The following EGFR variants were observed in gnomAD, a reference collection of about 807,000 sequenced individuals.
EGFR encodes epidermal growth factor receptor.
A neutral mutation model predicts 143.0 loss-of-function variants in EGFR; 58 were observed. The ratio of observed to expected loss-of-function variants is 0.41; its 90% CI spans 0.33 to 0.50. EGFR has a LOEUF of 0.50. EGFR is among the 20% of genes least tolerant of loss of function. The probability of loss-of-function intolerance (pLI) is 0.39; values close to 1 mark genes in which losing one functional copy is unlikely to be tolerated. For synonymous variants in EGFR, 613 were observed against 594.4 expected (o/e 1.03, Z -0.45); for missense variants, 1,307 against 1,579.0 (o/e 0.83, Z 2.92).
chr7:55,088,800 G>A (rs1584008285), intron 1 of EGFR, among the ~76,000 whole-genome samples: 1 of 152,144 alleles, frequency 6.6e-6, no homozygotes, highest in African/African-American at 2.4e-5. Flanking sequence ...TCCCTTTGAC[G>A]ATGAAAACAT....
At chr7:55,166,371 T>A in intron 15 of EGFR, 1 of 551,930 alleles carries the variant, frequency 1.8e-6, no homozygotes, top group Non-Finnish European at 3.5e-6. Flanking sequence ...TTTCTCTGAA[T>A]CCATCTGTAT....
intron 1 of EGFR, among the ~76,000 whole-genome samples, chr7:55,062,111 T>G (rs553871873): frequency 1.3e-5 from 2 of 152,236 alleles, no homozygotes; most frequent in South Asian, 4.1e-4. Context: ...GAGTAAGAAG[T>G]CTATCTTTAG....
intron 1 of EGFR, among the ~76,000 whole-genome samples, chr7:55,141,205 T>C (rs567403284): frequency 2.0e-5 from 3 of 152,240 alleles, no homozygotes; most frequent in South Asian, 4.2e-4. Context: ...ATAATTTGGG[T>C]TCAAATTATA....
At chr7:55,118,263 C>A (rs1035466084) in intron 1 of EGFR, among the ~76,000 whole-genome samples, 1 of 152,180 alleles carries the variant, frequency 6.6e-6, no homozygotes, top group Non-Finnish European at 1.5e-5. Context: ...CGGGCACAAC[C>A]ATCACCTGAG....
chr7:55,068,153 A>AG (rs1789625475), intron 1 of EGFR, among the ~76,000 whole-genome samples: 1 of 145,828 alleles, frequency 6.9e-6, no homozygotes, highest in Non-Finnish European at 1.5e-5. Context: ...AAAATCTCTC[A>AG]TCACCTTTTT....
intron 1 of EGFR, among the ~76,000 whole-genome samples, chr7:55,033,692 C>T (rs565677438): frequency 6.6e-6 from 1 of 152,284 alleles, no homozygotes; most frequent in African/African-American, 2.4e-5. Context: ...GGTCTGGACC[C>T]TGGGAAGTCG....
At chr7:55,073,490 C>T (rs1238941492) in intron 1 of EGFR, among the ~76,000 whole-genome samples, 1 of 152,160 alleles carries the variant, frequency 6.6e-6, no homozygotes, top group Non-Finnish European at 1.5e-5. Flanking sequence ...AGACACGTTA[C>T]CAGAAACTCC....
At chr7:55,183,602 G>T (rs763091703) in intron 20 of EGFR, among the ~76,000 whole-genome samples, 2 of 152,194 alleles carry the variant, frequency 1.3e-5, no homozygotes, top group Non-Finnish European at 2.9e-5. Context: ...CTCATGCCCT[G>T]ACCTGGAACC....
At chr7:55,184,580 G>A (rs146316665) in intron 20 of EGFR, among the ~76,000 whole-genome samples, 3 of 152,212 alleles carry the variant, frequency 2.0e-5, no homozygotes, top group Admixed American at 2.0e-4. Context: ...TAAGTTTCCA[G>A]GGCCTGAAAG....
chr7:55,122,433 C>G (rs571526322), intron 1 of EGFR, among the ~76,000 whole-genome samples: 1 of 152,200 alleles, frequency 6.6e-6, no homozygotes, highest in African/African-American at 2.4e-5. Context: ...TGGGGGGAAC[C>G]GCACAGCCAC....
At chr7:55,026,969 C>T (rs1786930441) in intron 1 of EGFR, among the ~76,000 whole-genome samples, 3 of 152,112 alleles carry the variant, frequency 2.0e-5, no homozygotes, top group Admixed American at 6.6e-5. Context: ...CACTCTTGGA[C>T]CCCACCCTGG....
intron 22 of EGFR, among the ~76,000 whole-genome samples, chr7:55,198,213 C>T (rs114672137): frequency 3.0e-4 from 45 of 152,252 alleles, no homozygotes; most frequent in African/African-American, 1.1e-3. Context: ...TCAGTTTCTT[C>T]CTGAGGTTTT....
chr7:55,091,143 G>T (rs1039759576), intron 1 of EGFR, among the ~76,000 whole-genome samples: 5 of 152,090 alleles, frequency 3.3e-5, no homozygotes, highest in Admixed American at 3.3e-4. Flanking sequence ...TAAAGACCCC[G>T]ATTTCTAGTT....
intron 1 of EGFR, among the ~76,000 whole-genome samples, chr7:55,029,420 TTTC>T (rs894587114): frequency 1.3e-5 from 2 of 152,220 alleles, no homozygotes; most frequent in Non-Finnish European, 2.9e-5. Context: ...CCTTGCTTTC[TTTC>T]TTCTTCCCTT....
In EGFR at chr7:55,207,598, CTCAG is replaced by C. The variant is rs761836227; in HGVS notation, c.*1986_*1989del. 13 of 165,210 alleles carry C rather than the reference CTCAG, an allele frequency of 7.9e-5. No homozygotes were observed. The highest frequency in any genetic ancestry group is 7.5e-4 in the East Asian group (6 of 7,972). The allele number at this position is 165,210 out of a possible 1,614,324, so 10.2% of individuals were successfully genotyped here. On this transcript the variant is annotated 3_prime_UTR_variant, in exon 28 of 28. Transcript: ENST00000275493. ...AGGCCTCACAGGAGGATGACCAGGT[CTCAG>C]TCAGCGGGGAGGTGGAAAGTGCAGG...
chr7:55,078,728 G>A (rs1790279608), intron 1 of EGFR, among the ~76,000 whole-genome samples: 1 of 152,240 alleles, frequency 6.6e-6, no homozygotes, highest in South Asian at 2.1e-4. Flanking sequence ...GTCTGTGGCT[G>A]TGCTCAGGAG....
intron 15 of EGFR, among the ~76,000 whole-genome samples, chr7:55,169,737 C>T (rs1002190598): frequency 1.3e-5 from 2 of 152,168 alleles, no homozygotes; most frequent in African/African-American, 4.8e-5. Flanking sequence ...ATCCTTCTCT[C>T]CTGCAGCCCC....
intron 1 of EGFR, chr7:55,109,680 C>T (rs1162835741): frequency 2.2e-5 from 21 of 962,748 alleles, no homozygotes; most frequent in Non-Finnish European, 2.6e-5. Context: ...GGGATATCCT[C>T]TCCTGGTTTA....
intron 19 of EGFR, among the ~76,000 whole-genome samples, chr7:55,177,406 G>T (rs566597404): frequency 6.6e-6 from 1 of 152,302 alleles, no homozygotes; most frequent in East Asian, 1.9e-4. Context: ...ATGCACGCAT[G>T]CACGGCAGCA....
Sources: gnomAD v4.1 joint callset for allele counts (sites outside exome capture counted in the v4.1 genomes callset) on GRCh38, gnomAD v4.1.1 for gene constraint, MANE v1.5 for transcripts, NCBI Gene and HGNC (gene_info 2026-07-23, HGNC 2026-07-21) for gene names.